Variants in PITPNB observed in about 807,000 individuals in gnomAD.
The protein encoded by PITPNB is phosphatidylinositol transfer protein beta, also known as phosphatidylinositol transfer protein beta isoform.
A neutral mutation model predicts 45.9 loss-of-function variants in PITPNB; 16 were observed. That is an observed-to-expected ratio of 0.35 (90% CI 0.24 to 0.53). The LOEUF (loss-of-function observed/expected upper bound fraction) is 0.53, where lower values mean the gene tolerates loss of function less well. PITPNB is among the 20% of genes least tolerant of loss of function. The pLI, the probability that PITPNB is intolerant of heterozygous loss-of-function variation, is 0.93. For synonymous variants in PITPNB, 112 were observed against 108.9 expected (o/e 1.03, Z -0.18); for missense variants, 188 against 330.5 (o/e 0.57, Z 3.34).
At chr22:27,908,653 C>G (rs1703838382) in intron 3 of PITPNB, among the ~76,000 whole-genome samples, 4 of 151,718 alleles carry the variant, frequency 2.6e-5, no homozygotes, top group African/African-American at 9.7e-5. Flanking sequence ...CAGGTAAATG[C>G]AAAAATGCTA....
chr22:27,901,916 A>G (rs1020875095), intron 3 of PITPNB, among the ~76,000 whole-genome samples: 1 of 151,870 alleles, frequency 6.6e-6, no homozygotes, highest in African/African-American at 2.4e-5. Context: ...ATATACCTAC[A>G]TACATAAAAT....
intron 7 of PITPNB, among the ~76,000 whole-genome samples, chr22:27,890,484 G>C (rs1419850040): frequency 6.6e-6 from 1 of 151,808 alleles, no homozygotes; most frequent in African/African-American, 2.4e-5. Flanking sequence ...AGTCACAACA[G>C]CCAAGAGGTA....
Position 27,853,677 on chromosome 22 carries a change from G to C in PITPNB, c.*39-14C>G. 1 of 1,541,670 alleles carries C rather than the reference G, an allele frequency of 6.5e-7. No individual in the cohort carries two copies. The highest frequency in any genetic ancestry group is 8.8e-7 in the Non-Finnish European group (1 of 1,138,602). On this transcript the variant is annotated splice_polypyrimidine_tract_variant and intron_variant, in intron 11 of 11. Transcript: ENST00000335272. Reference sequence around the variant, plus strand: ...TTGATTACGTAACTGTAAGAAAAGTGAAAGACAGTGCAAAATGTGTTAAAA... The same window carrying C: ...TTGATTACGTAACTGTAAGAAAAGTCAAAGACAGTGCAAAATGTGTTAAAA...
At chr22:27,903,606 C>A (rs773431011) in intron 3 of PITPNB, among the ~76,000 whole-genome samples, 58 of 151,392 alleles carry the variant, frequency 3.8e-4, no homozygotes, top group Non-Finnish European at 6.6e-4. Context: ...GGGAGACCCC[C>A]CACCTCTACA....
chr22:27,853,525 G>A lies in PITPNB; in HGVS notation c.*177C>T, dbSNP rs1176886125. The A allele has an allele frequency of 1.2e-5, 12 of 984,934 alleles. No homozygotes were observed. The highest frequency in any genetic ancestry group is 2.0e-5 in the Admixed American group (1 of 50,186). The allele number at this position is 984,934 out of a possible 1,614,324, so 61.0% of individuals were successfully genotyped here. A position where few individuals can be genotyped will look rare whatever the true frequency, so the allele number is the denominator to read the frequency against. On this transcript the variant is annotated 3_prime_UTR_variant, in exon 12 of 12. Transcript: ENST00000335272. ...TATGCACACATACATATATACACACGTGGTTGAGAACCTGTGCATGTGTGT... is the reference window on the plus strand; with the variant it reads ...TATGCACACATACATATATACACACATGGTTGAGAACCTGTGCATGTGTGT...
At chr22:27,887,464 T>C (rs552172022) in intron 7 of PITPNB, among the ~76,000 whole-genome samples, 12 of 152,040 alleles carry the variant, frequency 7.9e-5, no homozygotes, top group African/African-American at 2.9e-4. Flanking sequence ...CATTCAACCA[T>C]CCAACCTGAG....
chr22:27,905,697 G>A (rs899735738), intron 3 of PITPNB, among the ~76,000 whole-genome samples: 1 of 152,150 alleles, frequency 6.6e-6, no homozygotes, highest in African/African-American at 2.4e-5. Flanking sequence ...AGTTGGCAAA[G>A]CTTTATAAAT....
intron 2 of PITPNB, among the ~76,000 whole-genome samples, chr22:27,912,609 TTC>T (rs1935958544): frequency 6.6e-6 from 1 of 151,970 alleles, no homozygotes; most frequent in South Asian, 2.1e-4. Context: ...CTACTTAGTT[TTC>T]TCTCATTCTC....
intron 7 of PITPNB, among the ~76,000 whole-genome samples, chr22:27,893,010 A>C (rs1379173909): frequency 6.6e-6 from 1 of 152,194 alleles, no homozygotes; most frequent in Non-Finnish European, 1.5e-5. Context: ...CGTTTGACTT[A>C]TTTCTGTTTC....
At position 27,917,623 on chromosome 22, in the gene PITPNB, C is replaced by A. The variant is rs1385156881; in HGVS notation, c.20+1549G>T. Among the ~76,000 whole-genome samples the A allele has an allele frequency of 2.6e-5, 4 of 152,296 alleles. No individual in the cohort carries two copies. The East Asian group carries it at 7.7e-4, about 29-fold the overall frequency. On this transcript the variant is annotated intron_variant, in intron 1 of 11. Transcript: ENST00000335272. ...AAGGCAAAATGTCTCTTCTCAAAAT[C>A]CCTGTCACTGACCAAAGTTATCATT... is the stretch of plus-strand genomic sequence containing the variant.
chr22:27,881,783 G>A lies in PITPNB; in HGVS notation c.457-7968C>T, dbSNP rs139311967. On this transcript the variant is annotated intron_variant, in intron 7 of 11. Transcript: ENST00000335272. Reference sequence around the variant, plus strand: ...CCAAAAGGACTGCTGACCATTTAGGGTATCATCTACCAAAAATTAATTTGG... The same window carrying A: ...CCAAAAGGACTGCTGACCATTTAGGATATCATCTACCAAAAATTAATTTGG... Among the ~76,000 whole-genome samples the A allele has an allele frequency of 9.9e-5, 15 of 152,256 alleles. No homozygotes were observed. The East Asian group carries it at 2.9e-3, about 29-fold the overall frequency.
intron 3 of PITPNB, among the ~76,000 whole-genome samples, chr22:27,906,848 G>A (rs1365850346): frequency 6.6e-6 from 1 of 152,196 alleles, no homozygotes; most frequent in East Asian, 1.9e-4. Flanking sequence ...CCCGTGCAAT[G>A]AGTAACCAAC....
At chr22:27,902,070 T>G (rs944648090) in intron 3 of PITPNB, among the ~76,000 whole-genome samples, 1 of 151,792 alleles carries the variant, frequency 6.6e-6, no homozygotes, top group Non-Finnish European at 1.5e-5. Flanking sequence ...AACAGATTAG[T>G]AAACAACAAA....
intron 7 of PITPNB, among the ~76,000 whole-genome samples, chr22:27,891,788 C>T (rs556246350): frequency 1.3e-5 from 2 of 152,306 alleles, no homozygotes; most frequent in African/African-American, 4.8e-5. Context: ...GTGAATTAAA[C>T]CTCTTTCCAT....
intron 7 of PITPNB, among the ~76,000 whole-genome samples, chr22:27,876,103 C>T (rs896262674): frequency 6.6e-6 from 1 of 152,144 alleles, no homozygotes; most frequent in Non-Finnish European, 1.5e-5. Flanking sequence ...CACAGTCTGA[C>T]GAGGAAGTGG....
At chr22:27,918,255 C>T (rs1936144906) in intron 1 of PITPNB, among the ~76,000 whole-genome samples, 1 of 152,104 alleles carries the variant, frequency 6.6e-6, no homozygotes. Flanking sequence ...AATAAGGTGT[C>T]TGAAAAAAGC....
At chr22:27,866,672 G>A (rs1934494531) in intron 8 of PITPNB, among the ~76,000 whole-genome samples, 1 of 152,174 alleles carries the variant, frequency 6.6e-6, no homozygotes, top group Admixed American at 6.5e-5. Context: ...GGATGAAGAT[G>A]GAATAGGTAT....
intron 7 of PITPNB, among the ~76,000 whole-genome samples, chr22:27,880,114 CCA>C (rs1420406758): frequency 6.6e-6 from 1 of 152,154 alleles, no homozygotes; most frequent in Non-Finnish European, 1.5e-5. Flanking sequence ...TGGACTATCA[CCA>C]CCACTAGGGG....
intron 2 of PITPNB, among the ~76,000 whole-genome samples, chr22:27,912,702 C>A (rs1005522411): frequency 2.6e-5 from 4 of 151,736 alleles, no homozygotes; most frequent in African/African-American, 7.3e-5. Context: ...TGCATACAGG[C>A]CTGGCACAGT....
Sources: gnomAD v4.1 joint callset for allele counts (sites outside exome capture counted in the v4.1 genomes callset) on GRCh38, gnomAD v4.1.1 for gene constraint, MANE v1.5 for transcripts, NCBI Gene and HGNC (gene_info 2026-07-23, HGNC 2026-07-21) for gene names.